COL4A3: variants seen among roughly 807,000 people sequenced by gnomAD.
COL4A3 encodes collagen alpha-3(IV) chain.
In COL4A3, 135 loss-of-function variants were observed where a neutral mutation model predicts 217.4. That is an observed-to-expected ratio of 0.62 (90% confidence interval 0.54 to 0.72). COL4A3 has a LOEUF of 0.72. Ranked by LOEUF, COL4A3 falls within the 30% of genes least tolerant of loss-of-function variation. The pLI is 0.00. For missense variants in COL4A3, 1,868 were observed against 2,119.9 expected, an observed-to-expected ratio of 0.88 and a Z score of 2.33; for synonymous variants, 690 against 736.3, an observed-to-expected ratio of 0.94 and a Z score of 1.02.
rs375943584 is a variant in COL4A3 at position 227,236,663 on chromosome 2, A to ATTT, written c.88-1301_88-1299dup. ...ATATGCAGCATATATGTCAAAACAC[A>ATTT]TTTTTTCTTTTTTTGAGACAGAGTC... On this transcript the variant is annotated intron_variant, in intron 1 of 51. Transcript: ENST00000396578. Among the ~76,000 whole-genome samples, 884 of 144,700 alleles carry ATTT rather than the reference A, an allele frequency of 6.1e-3. 10 individuals carry two copies. The highest frequency in any genetic ancestry group is 0.016 in the African/African-American group (658 of 40,060). The allele number at this position is 144,700 out of a possible 152,430, so 94.9% of individuals were successfully genotyped here. A position where few individuals can be genotyped will look rare whatever the true frequency, so the allele number is the denominator to read the frequency against.
At chr2:227,177,347 G>C (rs1369550181) in intron 1 of COL4A3, among the ~76,000 whole-genome samples, 2 of 151,736 alleles carry the variant, frequency 1.3e-5, no homozygotes, top group South Asian at 2.1e-4. Flanking sequence ...AATAGAGACA[G>C]GGTTTGACTG....
intron 1 of COL4A3, among the ~76,000 whole-genome samples, chr2:227,209,624 G>A (rs2067238617): frequency 6.6e-6 from 1 of 152,164 alleles, no homozygotes; most frequent in East Asian, 1.9e-4. Flanking sequence ...TAGATCACCT[G>A]AAATCAGGAG....
chr2:227,189,468 G>A (rs72975947), intron 1 of COL4A3, among the ~76,000 whole-genome samples: 25,685 of 152,056 alleles, frequency 0.17, 2,345 homozygotes, highest in Admixed American at 0.25. Context: ...TCTAATCAAC[G>A]TGATGTGGTG....
At chr2:227,212,370 C>G (rs1231681130) in intron 1 of COL4A3, among the ~76,000 whole-genome samples, 2 of 152,142 alleles carry the variant, frequency 1.3e-5, no homozygotes, top group East Asian at 1.9e-4. Flanking sequence ...CATAAAGATA[C>G]CCTCTGAAAC....
intron 42 of COL4A3, 87 bp from the exon 43 acceptor site, chr2:227,298,595 T>C: frequency 6.4e-7 from 1 of 1,570,828 alleles, no homozygotes; most frequent in Non-Finnish European, 8.7e-7. Flanking sequence ...AAGTGAAGGG[T>C]TTATACTTCA....
At chr2:227,273,240 C>A in intron 26 of COL4A3, 123 bp downstream of exon 26, 1 of 1,038,388 alleles carries the variant, frequency 9.6e-7, no homozygotes, top group Non-Finnish European at 1.5e-6. Context: ...TAGAATATGT[C>A]AACTCACAGA....
At chr2:227,301,826 C>A (rs1437412619) in intron 43 of COL4A3, 1 of 152,244 alleles carries the variant, frequency 6.6e-6, no homozygotes, top group Non-Finnish European at 1.5e-5. Context: ...ACATCAGAAG[C>A]CAGCAAGTCC....
intron 43 of COL4A3, among the ~76,000 whole-genome samples, chr2:227,299,278 C>T (rs1413506993): frequency 6.6e-6 from 1 of 152,154 alleles, no homozygotes; most frequent in African/African-American, 2.4e-5. Context: ...GCCTGTAGTC[C>T]CAGCTACTCA....
chr2:227,197,637 T>C (rs1050011312), intron 1 of COL4A3, among the ~76,000 whole-genome samples: 1 of 152,210 alleles, frequency 6.6e-6, no homozygotes. Context: ...GAGAAAGACA[T>C]AATCTTATCC....
intron 1 of COL4A3, among the ~76,000 whole-genome samples, chr2:227,188,348 A>G (rs1248066047): frequency 6.6e-6 from 1 of 152,040 alleles, no homozygotes; most frequent in Non-Finnish European, 1.5e-5. Context: ...ATCCGTTTAT[A>G]AGCAGATATT....
intron 1 of COL4A3, among the ~76,000 whole-genome samples, chr2:227,235,889 T>C (rs1325361719): frequency 6.7e-6 from 1 of 148,802 alleles, no homozygotes; most frequent in Non-Finnish European, 1.5e-5. Flanking sequence ...TTCACCTGCC[T>C]CAGCTTCCCG....
At chr2:227,257,462 C>A in intron 17 of COL4A3, 141 bp from the exon 18 acceptor site, 1 of 726,810 alleles carries the variant, frequency 1.4e-6, no homozygotes, top group South Asian at 1.6e-5. Flanking sequence ...AATTTAAAGT[C>A]AGTGTCTCTT....
chr2:227,289,375 T>G (rs2072539781), intron 35 of COL4A3, 127 bp downstream of exon 35: 3 of 852,812 alleles, frequency 3.5e-6, no homozygotes, highest in Non-Finnish European at 5.7e-6. Context: ...CCAGCAGAAA[T>G]TTGCTACTAA....
chr2:227,246,165 C>G, intron 6 of COL4A3, 149 bp downstream of exon 6: 1 of 710,104 alleles, frequency 1.4e-6, no homozygotes, highest in Non-Finnish European at 2.5e-6. Flanking sequence ...AGGAAACTTC[C>G]CATTTTCTTT....
chr2:227,304,226 T>G, intron 46 of COL4A3, 82 bp downstream of exon 46: 4 of 1,541,894 alleles, frequency 2.6e-6, no homozygotes, highest in Non-Finnish European at 3.6e-6. Flanking sequence ...AAACAGCTGA[T>G]ACAACTTCAC....
At chr2:227,227,172 T>C (rs1172964130) in intron 1 of COL4A3, among the ~76,000 whole-genome samples, 1 of 152,190 alleles carries the variant, frequency 6.6e-6, no homozygotes, top group African/African-American at 2.4e-5. Flanking sequence ...ATACAGCTAA[T>C]TTCATGAGCT....
chr2:227,189,190 A>G lies in COL4A3; in HGVS notation c.87+24377A>G, dbSNP rs76530075. Among the ~76,000 whole-genome samples, 1,450 of 152,286 alleles carry G rather than the reference A, an allele frequency of 9.5e-3. 16 individuals carry two copies. Among genetic ancestry groups the G allele is most frequent in the Non-Finnish European group, 0.01 (711 of 68,018 alleles). ...GCAGGGCTCCATCCTGTAGTGTCATAAGAAGGAGTTTGACCTTGATCCTTA... is the reference window on the plus strand; with the variant it reads ...GCAGGGCTCCATCCTGTAGTGTCATGAGAAGGAGTTTGACCTTGATCCTTA... On this transcript the variant is annotated intron_variant, in intron 1 of 51. Coordinates refer to ENST00000396578, the MANE Select transcript of COL4A3 (RefSeq NM_000091.5).
At chr2:227,177,000 A>G (rs112499123) in intron 1 of COL4A3, among the ~76,000 whole-genome samples, 185 of 152,330 alleles carry the variant, frequency 1.2e-3, no homozygotes, top group African/African-American at 4.2e-3. Context: ...AGAAACATAA[A>G]AATTAAAACT....
intron 47 of COL4A3, among the ~76,000 whole-genome samples, chr2:227,306,136 T>G (rs1013543725): frequency 2.6e-5 from 4 of 152,208 alleles, no homozygotes; most frequent in Admixed American, 2.6e-4. Context: ...TTCTATTAAT[T>G]TAAAAATTTT....
Sources: allele counts gnomAD v4.1 joint callset (sites outside exome capture counted in the v4.1 genomes callset), GRCh38; gene constraint gnomAD v4.1.1; transcripts MANE v1.5; gene names NCBI Gene and HGNC (gene_info 2026-07-23, HGNC 2026-07-21).